SYT14: variants seen among roughly 807,000 people sequenced by gnomAD.
The protein encoded by SYT14 is synaptotagmin-14.
Under a neutral mutation model 74.2 loss-of-function variants are expected in SYT14, and 32 were observed. The observed-to-expected ratio is 0.43, with a 90% confidence interval of 0.33 to 0.58. The LOEUF (loss-of-function observed/expected upper bound fraction) is 0.58. Ranked by LOEUF, SYT14 falls within the 20% of genes least tolerant of loss-of-function variation. SYT14 has a pLI of 0.05. For synonymous variants in SYT14, 298 were observed against 337.7 expected (o/e 0.88, Z 1.29); for missense variants, 791 against 981.8 (o/e 0.81, Z 2.60).
chr1:210,026,642 A>ACACACT (rs1483338264), intron 5 of SYT14, among the ~76,000 whole-genome samples: 3 of 148,834 alleles, frequency 2.0e-5, no homozygotes, highest in Non-Finnish European at 3.0e-5. Flanking sequence ...ACACACACAC[A>ACACACT]CTCACCCCTA....
At chr1:210,059,489 C>A (rs897114155) in intron 5 of SYT14, among the ~76,000 whole-genome samples, 1 of 72,764 alleles carries the variant, frequency 1.4e-5, no homozygotes, top group East Asian at 4.1e-4. Flanking sequence ...GAGAGAGAGA[C>A]ATGAATAGGA....
intron 1 of SYT14, among the ~76,000 whole-genome samples, chr1:209,949,392 G>A (rs1445518798): frequency 2.6e-5 from 4 of 151,952 alleles, no homozygotes; most frequent in African/African-American, 9.7e-5. Context: ...GGGCAACATA[G>A]TGAAACCCCG....
intron 7 of SYT14, among the ~76,000 whole-genome samples, chr1:210,101,051 TCTC>T (rs2102548093): frequency 6.6e-6 from 1 of 152,308 alleles, no homozygotes; most frequent in African/African-American, 2.4e-5. Context: ...GAGCTAGTTC[TCTC>T]TTTTCTCTTT....
intron 1 of SYT14, among the ~76,000 whole-genome samples, chr1:209,948,340 A>G (rs535540591): frequency 4.6e-5 from 7 of 152,350 alleles, no homozygotes; most frequent in African/African-American, 1.7e-4. Flanking sequence ...ACACAAACAC[A>G]CATGCACACA....
intron 5 of SYT14, among the ~76,000 whole-genome samples, chr1:210,061,205 A>G (rs1448111729): frequency 6.6e-6 from 1 of 151,932 alleles, no homozygotes; most frequent in South Asian, 2.1e-4. Flanking sequence ...AGAGGATATT[A>G]TGTTTGGTAT....
intron 7 of SYT14, among the ~76,000 whole-genome samples, chr1:210,129,166 G>A (rs1396842709): frequency 1.3e-5 from 2 of 152,180 alleles, no homozygotes; most frequent in South Asian, 2.1e-4. Context: ...CATCAGTTAA[G>A]ATTCTGTCAG....
chr1:209,966,708 G>T (rs889428237), intron 2 of SYT14, among the ~76,000 whole-genome samples: 1 of 152,086 alleles, frequency 6.6e-6, no homozygotes, highest in African/African-American at 2.4e-5. Context: ...AAATGCACTC[G>T]TTCTAGTAGC....
chr1:210,094,622 A>G (rs756835846), intron 6 of SYT14, 29 bp downstream of exon 5: 3 of 1,611,728 alleles, frequency 1.9e-6, no homozygotes, highest in Non-Finnish European at 2.5e-6. Context: ...AAGTTTGAAA[A>G]TGAATGTTAT....
chr1:209,956,643 T>C (rs914158252), intron 2 of SYT14, among the ~76,000 whole-genome samples: 2 of 152,168 alleles, frequency 1.3e-5, no homozygotes, highest in South Asian at 4.1e-4. Context: ...GCCCAAGAAG[T>C]ACAGCAACCT....
intron 2 of SYT14, among the ~76,000 whole-genome samples, chr1:209,984,806 C>G (rs1030190363): frequency 6.6e-6 from 1 of 152,122 alleles, no homozygotes; most frequent in Non-Finnish European, 1.5e-5. Context: ...AGCTTTTACT[C>G]ATGCTGGAAG....
At position 210,100,476 on chromosome 1, in the gene SYT14, A is replaced by G; in HGVS notation, c.2034+15A>G. ...ACAATCATTCTGTGAGTATCTCATC[A>G]AATGGCCTGAATACAGTTTATGTTC... On this transcript the variant is annotated intron_variant, in intron 7 of 9. Coordinates refer to ENST00000637265, the Ensembl canonical transcript of SYT14. 1 of 1,607,618 alleles carries G rather than the reference A, an allele frequency of 6.2e-7. No individual in the cohort carries two copies.
intron 7 of SYT14, among the ~76,000 whole-genome samples, chr1:210,155,022 G>T (rs181617983): frequency 6.6e-6 from 1 of 152,226 alleles, no homozygotes; most frequent in African/African-American, 2.4e-5. Context: ...AGTGATTATG[G>T]ATGTCTGTGT....
At chr1:209,987,998 A>G (rs1399899241) in intron 2 of SYT14, among the ~76,000 whole-genome samples, 2 of 152,054 alleles carry the variant, frequency 1.3e-5, no homozygotes, top group Non-Finnish European at 2.9e-5. Flanking sequence ...GATAGTTTTC[A>G]TTAAATTTGG....
chr1:210,096,257 C>CA (rs984141585), intron 6 of SYT14, among the ~76,000 whole-genome samples: 7 of 152,082 alleles, frequency 4.6e-5, no homozygotes, highest in African/African-American at 1.7e-4. Flanking sequence ...TTTTTTGATC[C>CA]AAAATGTTGT....
exon 10 of SYT14, chr1:210,163,005 A>G (rs1038636843): frequency 4.4e-6 from 2 of 453,422 alleles, no homozygotes; most frequent in African/African-American, 4.0e-5. Flanking sequence ...GTTTTCAGCA[A>G]CAGTATGAAA....
At chr1:209,944,757 T>C (rs1179568369) in intron 1 of SYT14, among the ~76,000 whole-genome samples, 3 of 151,826 alleles carry the variant, frequency 2.0e-5, no homozygotes, top group African/African-American at 4.8e-5. Flanking sequence ...GTTTTTTTTT[T>C]CCCTCTCTTT....
intron 2 of SYT14, among the ~76,000 whole-genome samples, chr1:210,001,710 A>G (rs1434845177): frequency 6.6e-6 from 1 of 152,170 alleles, no homozygotes; most frequent in Non-Finnish European, 1.5e-5. Context: ...AATAGGGTTG[A>G]CAGAGTTGCT....
chr1:209,960,215 A>G (rs538920722), intron 2 of SYT14, among the ~76,000 whole-genome samples: 3 of 152,208 alleles, frequency 2.0e-5, no homozygotes, highest in East Asian at 1.9e-4. Context: ...TACTAAATCT[A>G]TCTTTATGGC....
chr1:210,065,417 A>G (rs746999314), intron 5 of SYT14, among the ~76,000 whole-genome samples: 20 of 151,918 alleles, frequency 1.3e-4, no homozygotes, highest in Non-Finnish European at 2.1e-4. Flanking sequence ...CTGCCATGTG[A>G]AGAAGGATGT....
Sources: gnomAD v4.1 joint callset for allele counts (sites outside exome capture counted in the v4.1 genomes callset) on GRCh38, gnomAD v4.1.1 for gene constraint, MANE v1.5 for transcripts, NCBI Gene and HGNC (gene_info 2026-07-23, HGNC 2026-07-21) for gene names.